DCLK1: variants seen among roughly 807,000 people sequenced by gnomAD.
DCLK1 encodes the protein doublecortin like kinase 1.
Under a neutral mutation model 86.2 loss-of-function variants are expected in DCLK1, and 16 were observed. That is an observed-to-expected ratio of 0.19 (90% CI 0.13 to 0.28). The LOEUF (loss-of-function observed/expected upper bound fraction) is 0.28, where lower values mean the gene tolerates loss of function less well. Among genes scored for constraint, DCLK1 ranks in the 10% least tolerant of loss-of-function variants. The pLI, the probability that DCLK1 is intolerant of heterozygous loss-of-function variation, is 1.00. For missense variants in DCLK1, 590 were observed against 940.2 expected (o/e 0.63, Z 4.87); for synonymous variants, 369 against 370.5 (o/e 1.00, Z 0.05).
intron 3 of DCLK1, among the ~76,000 whole-genome samples, chr13:35,954,853 A>G (rs566938879): frequency 3.9e-5 from 6 of 152,292 alleles, no homozygotes; most frequent in African/African-American, 1.4e-4. Flanking sequence ...AAAAAAATGG[A>G]TAATACTGTT....
chr13:35,939,846 T>G (rs74046167), intron 4 of DCLK1, among the ~76,000 whole-genome samples: 8,967 of 152,240 alleles, frequency 0.059, 854 homozygotes, highest in African/African-American at 0.2. Context: ...CAATTAAAAT[T>G]TAGATTTACA....
chr13:35,964,268 T>G (rs1593774227), intron 3 of DCLK1, among the ~76,000 whole-genome samples: 1 of 152,212 alleles, frequency 6.6e-6, no homozygotes, highest in Non-Finnish European at 1.5e-5. Flanking sequence ...GAATATGCCG[T>G]GAAGTGCCAG....
In DCLK1 at chr13:35,839,083, GCT is replaced by G; in HGVS notation, c.1120+7_1120+8del. On this transcript the variant is annotated splice_region_variant and intron_variant, in intron 7 of 16. Transcript: ENST00000360631. ...TGCCTCCTCAGATACCAAGTCCCAA[GCT>G]CATCACCTTCTCCAGGGCCATCGTT... is the stretch of plus-strand genomic sequence containing the variant. 1 of 1,593,230 alleles carries G rather than the reference GCT, an allele frequency of 6.3e-7. No individual in the cohort carries two copies. The highest frequency in any genetic ancestry group is 8.5e-7 in the Non-Finnish European group (1 of 1,169,764).
chr13:35,870,488 C>T (rs1289831430), intron 5 of DCLK1, among the ~76,000 whole-genome samples: 2 of 152,194 alleles, frequency 1.3e-5, no homozygotes, highest in Non-Finnish European at 2.9e-5. Flanking sequence ...AGCTTCTTGT[C>T]TTCATGAAAT....
Position 35,827,639 on chromosome 13 carries a change from A to G in DCLK1, c.1403T>C (p.Val468Ala). ...PTELYLVMEL[V>A]KGGDLFDAIT... ...CTTTCTTTCCAAAATACACACCTTT[A>G]CTAATTCCATGACAAGATACAGTTC... The change falls in exon 10 of 17, where the codon GTA (valine) becomes GCA (alanine). Residue 468 changes from valine (V) to alanine (A), a missense_variant. Val to Ala is a moderately conservative substitution (Grantham distance 64). Transcript: ENST00000360631. The G allele has an allele frequency of 6.2e-7, 1 of 1,613,934 alleles. No individual in the cohort carries two copies. Among genetic ancestry groups the G allele is most frequent in the Non-Finnish European group, 8.5e-7 (1 of 1,179,970 alleles).
chr13:36,041,019 C>T (rs1403992945), intron 3 of DCLK1, among the ~76,000 whole-genome samples: 1 of 152,018 alleles, frequency 6.6e-6, no homozygotes, highest in Admixed American at 6.6e-5. Context: ...CTTCCCTAGT[C>T]CTAGAATAAG....
chr13:36,088,578 G>C (rs1225629980), intron 3 of DCLK1, among the ~76,000 whole-genome samples: 1 of 152,234 alleles, frequency 6.6e-6, no homozygotes, highest in Non-Finnish European at 1.5e-5. Context: ...TCCTGGGAAA[G>C]CAGGTTGTAA....
At chr13:36,094,586 G>A (rs1884938683) in intron 3 of DCLK1, among the ~76,000 whole-genome samples, 1 of 152,146 alleles carries the variant, frequency 6.6e-6, no homozygotes, top group Admixed American at 6.5e-5. Flanking sequence ...TAAGGAAAAA[G>A]TTTCTAAGCA....
chr13:35,917,494 G>A (rs1171507426), intron 4 of DCLK1, among the ~76,000 whole-genome samples: 2 of 152,074 alleles, frequency 1.3e-5, no homozygotes, highest in East Asian at 1.9e-4. Context: ...AAGCAATCCC[G>A]TCCTACCTCT....
rs138049361 is a variant in DCLK1, at chr13:35,906,889, C to T, written c.824-35549G>A. ...CCATTCTTATCATACCCAACTAAGC[C>T]AGAGTCGAGGGCCCGGAGTCAGGTG... is the stretch of plus-strand genomic sequence containing the variant. On this transcript the variant is annotated intron_variant, in intron 4 of 16. Transcript: ENST00000360631. Among the ~76,000 whole-genome samples, 346 of 152,238 alleles carry T rather than the reference C, an allele frequency of 2.3e-3. 4 individuals carry two copies. The highest frequency in any genetic ancestry group is 7.9e-3 in the African/African-American group (330 of 41,552).
chr13:35,939,047 G>A (rs551832453), intron 4 of DCLK1, among the ~76,000 whole-genome samples: 2 of 152,280 alleles, frequency 1.3e-5, no homozygotes, highest in East Asian at 1.9e-4. Context: ...CCATAGTTTG[G>A]CTGTTGATTA....
intron 3 of DCLK1, among the ~76,000 whole-genome samples, chr13:36,048,249 A>G (rs1882995578): frequency 6.6e-6 from 1 of 152,208 alleles, no homozygotes; most frequent in South Asian, 2.1e-4. Context: ...CACTAGGGAC[A>G]AAGCATTTCT....
intron 4 of DCLK1, among the ~76,000 whole-genome samples, chr13:35,885,830 A>T (rs954706804): frequency 2.0e-5 from 3 of 152,214 alleles, no homozygotes; most frequent in African/African-American, 7.2e-5. Flanking sequence ...TGTGGTCTGA[A>T]GAAATAAAAC....
chr13:35,946,358 A>G (rs779699808), intron 4 of DCLK1, among the ~76,000 whole-genome samples: 12 of 152,332 alleles, frequency 7.9e-5, no homozygotes, highest in Non-Finnish European at 1.6e-4. Context: ...ACAACTGATA[A>G]TATGTATATA....
chr13:35,937,258 C>A (rs1876816430), intron 4 of DCLK1, among the ~76,000 whole-genome samples: 1 of 152,084 alleles, frequency 6.6e-6, no homozygotes, highest in African/African-American at 2.4e-5. Context: ...CAGGCGTGAG[C>A]CACCGCACCC....
intron 2 of DCLK1, among the ~76,000 whole-genome samples, chr13:36,114,123 A>G (rs1205744652): frequency 6.6e-6 from 1 of 152,246 alleles, no homozygotes; most frequent in Non-Finnish European, 1.5e-5. Context: ...AAACTTTAAA[A>G]ATATATTAAA....
chr13:35,958,126 C>CCACTACTATAACCATCACCACCAT (rs1566620571), intron 3 of DCLK1, among the ~76,000 whole-genome samples: 6 of 4,358 alleles, frequency 1.4e-3, no homozygotes, highest in Non-Finnish European at 2.7e-3. Flanking sequence ...ACCACCACTA[C>CCACTACTATAACCATCACCACCAT]CACTACTATA....
intron 3 of DCLK1, among the ~76,000 whole-genome samples, chr13:35,983,018 C>CGGGATTGGGATTA: frequency 6.6e-6 from 1 of 152,246 alleles, no homozygotes; most frequent in Non-Finnish European, 1.5e-5. Flanking sequence ...CCCGCCATGG[C>CGGGATTGGGATTA]CTCTCAAAGT....
At chr13:36,051,284 T>G (rs1883114115) in intron 3 of DCLK1, among the ~76,000 whole-genome samples, 2 of 152,272 alleles carry the variant, frequency 1.3e-5, no homozygotes, top group South Asian at 4.1e-4. Context: ...CCCTGGAGAC[T>G]CTTCAGTGTT....
Sources: allele counts gnomAD v4.1 joint callset (sites outside exome capture counted in the v4.1 genomes callset), GRCh38; gene constraint gnomAD v4.1.1; transcripts MANE v1.5; gene names NCBI Gene and HGNC (gene_info 2026-07-23, HGNC 2026-07-21).